The following SLC7A14 variants were observed in gnomAD, a reference collection of about 807,000 sequenced individuals.
The protein encoded by SLC7A14 is gamma-aminobutyric acid transporter SLC7A14.
In SLC7A14, 37 loss-of-function variants were observed where a neutral mutation model predicts 60.2. The ratio of observed to expected loss-of-function variants is 0.61; its 90% confidence interval spans 0.47 to 0.81. The LOEUF (loss-of-function observed/expected upper bound fraction) is 0.81, where lower values mean the gene tolerates loss of function less well. SLC7A14 is among the 30% of genes least tolerant of loss of function. The pLI, the probability that SLC7A14 is intolerant of heterozygous loss-of-function variation, is 0.00. For missense variants in SLC7A14, 886 were observed against 982.7 expected (o/e 0.90, Z 1.32); for synonymous variants, 399 against 395.8 (o/e 1.01, Z -0.10).
chr3:170,581,691 A>G (rs192015966), intron 1 of SLC7A14, among the ~76,000 whole-genome samples: 61 of 152,314 alleles, frequency 4.0e-4, no homozygotes, highest in African/African-American at 1.3e-3. Flanking sequence ...ATATAAAATA[A>G]TAAACCATTG....
intron 4 of SLC7A14, among the ~76,000 whole-genome samples, chr3:170,493,280 C>T (rs890729326): frequency 1.3e-5 from 2 of 152,114 alleles, no homozygotes; most frequent in Non-Finnish European, 2.9e-5. Context: ...TGACCCAGAA[C>T]CTGTAAGTGA....
chr3:170,543,969 C>T (rs372826553), intron 1 of SLC7A14, among the ~76,000 whole-genome samples: 4 of 151,942 alleles, frequency 2.6e-5, no homozygotes, highest in Non-Finnish European at 2.9e-5. Context: ...TGGCTGGTCT[C>T]GAACTCCTGA....
intron 1 of SLC7A14, among the ~76,000 whole-genome samples, chr3:170,583,206 C>A (rs1423142458): frequency 6.6e-6 from 1 of 152,058 alleles, no homozygotes; most frequent in African/African-American, 2.4e-5. Flanking sequence ...CAAGATAGGG[C>A]AAGTAAAGAA....
At chr3:170,561,509 C>T (rs1714648530) in intron 1 of SLC7A14, among the ~76,000 whole-genome samples, 2 of 152,170 alleles carry the variant, frequency 1.3e-5, no homozygotes, top group African/African-American at 4.8e-5. Context: ...TATCATTCTA[C>T]GTTTGGGAAC....
chr3:170,467,230 C>T lies in SLC7A14; in HGVS notation c.2141G>A (p.Gly714Asp), dbSNP rs769771787. Residue 714 changes from glycine (G) to aspartate (D), a missense_variant, in exon 8 of 8, where the codon GGC becomes GAC. By Grantham distance (94) the Gly-to-Asp change is moderately conservative (BLOSUM62 -1). Coordinates refer to ENST00000231706, the MANE Select transcript of SLC7A14 (RefSeq NM_020949.3). ...VEEGFSYATE[G>D]ESQEDWGGPT... is the part of the protein sequence containing the mutation. ...CCCGCCCCAGTCCTCCTGGCTCTCG[C>T]CCTCTGTGGCGTAGGAGAAACCCTC... is the stretch of plus-strand genomic sequence containing the variant. 1.5e-5 allele frequency: 24 copies of T among 1,614,132 alleles called. No homozygotes were observed. In the South Asian group the frequency reaches 2.3e-4, roughly 16 times the overall value.
intron 2 of SLC7A14, among the ~76,000 whole-genome samples, chr3:170,519,612 C>T (rs1560267509): frequency 6.6e-6 from 1 of 152,144 alleles, no homozygotes; most frequent in Non-Finnish European, 1.5e-5. Context: ...CCCGTCTCTA[C>T]TAAAAATACA....
chr3:170,489,893 C>T (rs1712159050), intron 4 of SLC7A14, among the ~76,000 whole-genome samples: 1 of 146,108 alleles, frequency 6.8e-6, no homozygotes, highest in South Asian at 2.2e-4. Context: ...AAAATAAAAA[C>T]AATTGAACTC....
At position 170,460,456 on chromosome 3, in the gene SLC7A14, A is replaced by G. The variant is rs1435806952; in HGVS notation, c.*6599T>C. On this transcript the variant is annotated 3_prime_UTR_variant, in exon 8 of 8. Coordinates refer to ENST00000231706, the MANE Select transcript of SLC7A14 (RefSeq NM_020949.3). ...AACATTAACAGCATCTTTGCTTTGG[A>G]AAGTGGGGGTTTATGATTTCTAGGG... 3 of 152,270 alleles carry G rather than the reference A, an allele frequency of 2.0e-5. No individual in the cohort carries two copies. Among genetic ancestry groups the G allele is most frequent in the African/African-American group, 7.2e-5 (3 of 41,550 alleles). The allele number at this position is 152,270 out of a possible 1,614,324, so 9.4% of individuals were successfully genotyped here. A position where few individuals can be genotyped will look rare whatever the true frequency, so the allele number is the denominator to read the frequency against.
chr3:170,507,562 C>T (rs563373189), intron 2 of SLC7A14, among the ~76,000 whole-genome samples: 43 of 152,134 alleles, frequency 2.8e-4, no homozygotes, highest in African/African-American at 8.9e-4. Flanking sequence ...TGGTTTCAGG[C>T]AGGCGAAAAG....
At chr3:170,529,129 A>C (rs1713598808) in intron 1 of SLC7A14, among the ~76,000 whole-genome samples, 1 of 152,256 alleles carries the variant, frequency 6.6e-6, no homozygotes. Context: ...TATCTATTGC[A>C]GAAAAGTCAG....
intron 2 of SLC7A14, among the ~76,000 whole-genome samples, chr3:170,506,755 G>A (rs929959711): frequency 6.6e-6 from 1 of 152,100 alleles, no homozygotes; most frequent in African/African-American, 2.4e-5. Context: ...CAGCCTACCC[G>A]GATTCCCTAT....
At chr3:170,565,720 T>A in intron 1 of SLC7A14, among the ~76,000 whole-genome samples, 1 of 152,086 alleles carries the variant, frequency 6.6e-6, no homozygotes, top group East Asian at 1.9e-4. Flanking sequence ...AAGAGCTGGC[T>A]GGCTGGGCCT....
Position 170,480,373 on chromosome 3 carries a change from C to A in SLC7A14, c.1909G>T (p.Ala637Ser). 6.2e-7 allele frequency: 1 copy of A among 1,607,912 alleles called. No individual in the cohort carries two copies. The highest frequency in any genetic ancestry group is 2.2e-5 in the East Asian group (1 of 44,788). ...YMAPCLPFVP[A>S]FAMLVNIYLM... ...TAGATGTTCACCAGCATGGCAAAGG[C>A]AGGCACAAAGGGGAGGCAAGGGGCC... Residue 637 changes from alanine to serine, a missense_variant, in exon 7 of 8, where the codon GCC becomes TCC. Transcript: ENST00000231706.
chr3:170,487,965 C>G (rs1292196255), intron 4 of SLC7A14, among the ~76,000 whole-genome samples: 3 of 152,264 alleles, frequency 2.0e-5, no homozygotes, highest in South Asian at 4.1e-4. Context: ...TGAAATATCA[C>G]TTATGCTTAT....
rs1453728193 is a variant in SLC7A14 at position 170,463,552 on chromosome 3, C to T, written c.*3503G>A. ...CCTTTTTAAGAGACAGGGTATTCTT[C>T]TGTTACCCAGGCTGGAGTACAGTGG... On this transcript the variant is annotated 3_prime_UTR_variant, in exon 8 of 8. Transcript: ENST00000231706. 2 of 152,126 alleles carry T rather than the reference C, an allele frequency of 1.3e-5. No homozygotes were observed. Among genetic ancestry groups the T allele is most frequent in the Non-Finnish European group, 2.9e-5 (2 of 68,048 alleles). The allele number at this position is 152,126 out of a possible 1,614,324, so 9.4% of individuals were successfully genotyped here. A position where few individuals can be genotyped will look rare whatever the true frequency, so the allele number is the denominator to read the frequency against.
intron 1 of SLC7A14, among the ~76,000 whole-genome samples, chr3:170,580,476 A>G (rs1715205765): frequency 6.6e-6 from 1 of 152,216 alleles, no homozygotes; most frequent in South Asian, 2.1e-4. Context: ...TGTTAAAGCT[A>G]GCATCATCTA....
chr3:170,508,968 C>A (rs528276518), intron 2 of SLC7A14, among the ~76,000 whole-genome samples: 1 of 152,190 alleles, frequency 6.6e-6, no homozygotes, highest in Non-Finnish European at 1.5e-5. Flanking sequence ...TGAGAAACAT[C>A]TATCCAGGCC....
rs943833771 is a variant in SLC7A14 at position 170,464,045 on chromosome 3, G to C, written c.*3010C>G. On this transcript the variant is annotated 3_prime_UTR_variant, in exon 8 of 8. Coordinates refer to ENST00000231706, the MANE Select transcript of SLC7A14 (RefSeq NM_020949.3). ...TGGCAAATTTAGTAAAGCATGTCAG[G>C]GTTCTGCATTTATGTACTAAATATA... is the stretch of plus-strand genomic sequence containing the variant. The C allele has an allele frequency of 1.3e-5, 2 of 152,046 alleles. No individual in the cohort carries two copies. Among genetic ancestry groups the C allele is most frequent in the South Asian group, 4.2e-4 (2 of 4,812 alleles). The allele number at this position is 152,046 out of a possible 1,614,324, so 9.4% of individuals were successfully genotyped here.
rs146072018 is a variant in SLC7A14 at position 170,483,446 on chromosome 3, G to T, written c.983C>A (p.Ala328Asp). Residue 328 changes from alanine (A) to aspartate (D), a missense_variant, in exon 6 of 8, where the codon GCT becomes GAT. Ala to Asp is a moderately radical substitution (Grantham distance 126, BLOSUM62 -2). Transcript: ENST00000231706. ...TESPLMEMFV[A>D]HGFYAAKFVV... ...GAATTTGGCAGCATAGAACCCATGA[G>T]CCACAAACATCTCCATGAGTGGGGA... The T allele has an allele frequency of 2.2e-5, 35 of 1,614,102 alleles. No homozygotes were observed. The African/African-American group carries it at 4.5e-4, about 21-fold the overall frequency.
Sources: gnomAD v4.1 joint callset for allele counts (sites outside exome capture counted in the v4.1 genomes callset) on GRCh38, gnomAD v4.1.1 for gene constraint, MANE v1.5 for transcripts, NCBI Gene and HGNC (gene_info 2026-07-23, HGNC 2026-07-21) for gene names.